The following CNTNAP2 variants were observed in gnomAD, a reference collection of about 807,000 sequenced individuals.
The protein encoded by CNTNAP2 is contactin-associated protein-like 2.
CNTNAP2 carries 98 observed loss-of-function variants against 155.2 expected under a neutral mutation model. The ratio of observed to expected loss-of-function variants is 0.63; its 90% confidence interval spans 0.54 to 0.75. CNTNAP2 has a LOEUF of 0.75. CNTNAP2 is among the 30% of genes least tolerant of loss of function. The pLI, the probability that CNTNAP2 is intolerant of heterozygous loss-of-function variation, is 0.00. For missense variants in CNTNAP2, 1,727 were observed against 1,688.1 expected, an observed-to-expected ratio of 1.02 and a Z score of -0.40; for synonymous variants, 651 against 631.2, an observed-to-expected ratio of 1.03 and a Z score of -0.47.
chr7:146,421,635 C>A (rs914362918), intron 1 of CNTNAP2, among the ~76,000 whole-genome samples: 31 of 151,918 alleles, frequency 2.0e-4, no homozygotes, highest in African/African-American at 7.5e-4. Flanking sequence ...AATTAATAAG[C>A]AGTTTTCAGA....
intron 11 of CNTNAP2, among the ~76,000 whole-genome samples, chr7:147,489,782 A>T (rs983086710): frequency 6.6e-6 from 1 of 152,088 alleles, no homozygotes; most frequent in East Asian, 1.9e-4. Context: ...TGCCCAGCTA[A>T]TTTTTTGTAT....
chr7:148,280,779 C>T (rs894088692), intron 21 of CNTNAP2, among the ~76,000 whole-genome samples: 17 of 151,956 alleles, frequency 1.1e-4, no homozygotes, highest in Non-Finnish European at 2.4e-4. Context: ...ATTAGCCAGG[C>T]AAGATGGCGG....
At chr7:148,090,261 A>T (rs1372496559) in intron 15 of CNTNAP2, among the ~76,000 whole-genome samples, 4 of 152,046 alleles carry the variant, frequency 2.6e-5, no homozygotes, top group African/African-American at 9.7e-5. Flanking sequence ...AAATGGAATG[A>T]CATCAAACTA....
intron 14 of CNTNAP2, among the ~76,000 whole-genome samples, chr7:147,950,141 C>T (rs1364502496): frequency 1.3e-5 from 2 of 151,746 alleles, no homozygotes; most frequent in East Asian, 1.9e-4. Context: ...GGATGGGTTG[C>T]GGAAAGCAGT....
intron 10 of CNTNAP2, among the ~76,000 whole-genome samples, chr7:147,460,249 A>G (rs1160796321): frequency 1.3e-5 from 2 of 152,122 alleles, no homozygotes; most frequent in African/African-American, 4.8e-5. Context: ...GCTGGAGTCC[A>G]TTATGCCTTT....
intron 9 of CNTNAP2, among the ~76,000 whole-genome samples, chr7:147,368,027 C>T (rs1796269675): frequency 8.7e-6 from 1 of 115,066 alleles, no homozygotes. Context: ...CCCCCTCCCC[C>T]TCCTCCTCTG....
intron 10 of CNTNAP2, among the ~76,000 whole-genome samples, chr7:147,465,828 G>A (rs1049658653): frequency 1.3e-5 from 2 of 152,086 alleles, no homozygotes; most frequent in Admixed American, 6.6e-5. Context: ...TTCTTCCCTG[G>A]TTACTATTTT....
intron 1 of CNTNAP2, among the ~76,000 whole-genome samples, chr7:146,468,329 T>C (rs1269388978): frequency 6.6e-6 from 1 of 152,018 alleles, no homozygotes; most frequent in Non-Finnish European, 1.5e-5. Flanking sequence ...TGTTAAGTAC[T>C]ATGCTTAGTA....
chr7:146,950,880 C>T (rs1278412328), intron 3 of CNTNAP2, among the ~76,000 whole-genome samples: 1 of 152,162 alleles, frequency 6.6e-6, no homozygotes, highest in Non-Finnish European at 1.5e-5. Flanking sequence ...CTGTCTTCCA[C>T]AATGGTTGAA....
At chr7:146,258,112 G>A (rs1003156215) in intron 1 of CNTNAP2, among the ~76,000 whole-genome samples, 2 of 152,086 alleles carry the variant, frequency 1.3e-5, no homozygotes, top group African/African-American at 2.4e-5. Context: ...TGCTGATCTC[G>A]AACTCCTGAC....
chr7:148,364,422 T>C (rs1798690965), intron 21 of CNTNAP2, among the ~76,000 whole-genome samples: 2 of 152,082 alleles, frequency 1.3e-5, no homozygotes, highest in Non-Finnish European at 2.9e-5. Context: ...CAATCGACAC[T>C]CTGTATCTAG....
At chr7:147,595,020 G>C (rs1800802424) in intron 12 of CNTNAP2, among the ~76,000 whole-genome samples, 1 of 152,148 alleles carries the variant, frequency 6.6e-6, no homozygotes, top group Non-Finnish European at 1.5e-5. Context: ...ATAGCAGAGA[G>C]AGGAACAAAG....
intron 8 of CNTNAP2, among the ~76,000 whole-genome samples, chr7:147,273,266 A>G (rs1358907559): frequency 6.6e-6 from 1 of 152,168 alleles, no homozygotes; most frequent in African/African-American, 2.4e-5. Context: ...TTGTTGTGGT[A>G]TTGATATTAC....
intron 1 of CNTNAP2, among the ~76,000 whole-genome samples, chr7:146,382,724 A>T (rs1795407503): frequency 6.6e-6 from 1 of 152,200 alleles, no homozygotes; most frequent in South Asian, 2.1e-4. Context: ...CCATATCAGG[A>T]TCTGCTTAAA....
chr7:147,931,654 A>T (rs987506811), intron 14 of CNTNAP2, among the ~76,000 whole-genome samples: 9 of 152,192 alleles, frequency 5.9e-5, no homozygotes, highest in Non-Finnish European at 8.8e-5. Flanking sequence ...GCTGCACTAC[A>T]TTGCCAGAAT....
At chr7:146,700,365 A>AT in intron 1 of CNTNAP2, among the ~76,000 whole-genome samples, 1 of 151,990 alleles carries the variant, frequency 6.6e-6, no homozygotes, top group East Asian at 1.9e-4. Context: ...TTTAGTCAGC[A>AT]TTTTTCTTAT....
At chr7:146,281,981 T>TA (rs1800259427) in intron 1 of CNTNAP2, among the ~76,000 whole-genome samples, 2 of 152,162 alleles carry the variant, frequency 1.3e-5, no homozygotes, top group Admixed American at 6.5e-5. Context: ...CATATGCCTA[T>TA]ATGCTTTGTT....
At chr7:148,155,419 G>GC (rs1246426786) in intron 17 of CNTNAP2, among the ~76,000 whole-genome samples, 1 of 151,750 alleles carries the variant, frequency 6.6e-6, no homozygotes, top group African/African-American at 2.4e-5. Context: ...TTGATTTTTT[G>GC]GTTTTTTTTA....
At chr7:147,647,307 CTT>C (rs879583841) in intron 13 of CNTNAP2, among the ~76,000 whole-genome samples, 2 of 144,766 alleles carry the variant, frequency 1.4e-5, no homozygotes, top group African/African-American at 2.5e-5. Flanking sequence ...GGCCAGTTCA[CTT>C]TTTTTTTTTT....
Sources: allele counts gnomAD v4.1 joint callset (sites outside exome capture counted in the v4.1 genomes callset), GRCh38; gene constraint gnomAD v4.1.1; transcripts MANE v1.5; gene names NCBI Gene and HGNC (gene_info 2026-07-23, HGNC 2026-07-21).